PCSK6: variants seen among roughly 807,000 people sequenced by gnomAD.
The protein encoded by PCSK6 is paired basic amino acid cleaving enzyme 4.
Under a neutral mutation model 123.3 loss-of-function variants are expected in PCSK6, and 85 were observed. That is an observed-to-expected ratio of 0.69 (90% CI 0.58 to 0.83). The LOEUF (loss-of-function observed/expected upper bound fraction) is 0.83. Among genes scored for constraint, PCSK6 ranks in the 40% least tolerant of loss-of-function variants. The pLI is 0.00. For synonymous variants in PCSK6, 508 were observed against 516.0 expected (o/e 0.98, Z 0.21); for missense variants, 1,191 against 1,282.3 (o/e 0.93, Z 1.09).
At chr15:101,471,099 G>A (rs2057593367) in intron 1 of PCSK6, among the ~76,000 whole-genome samples, 1 of 152,110 alleles carries the variant, frequency 6.6e-6, no homozygotes, top group African/African-American at 2.4e-5. Context: ...GCTTCTCCCT[G>A]GGGCTGAAAC....
intron 6 of PCSK6, among the ~76,000 whole-genome samples, chr15:101,413,573 T>A (rs922923331): frequency 2.0e-5 from 3 of 152,022 alleles, no homozygotes; most frequent in African/African-American, 4.8e-5. Flanking sequence ...ACCATCTAAA[T>A]ATAGTAACTA....
chr15:101,460,575 C>T (rs1314386781), intron 1 of PCSK6, among the ~76,000 whole-genome samples: 3 of 152,202 alleles, frequency 2.0e-5, no homozygotes, highest in Non-Finnish European at 2.9e-5. Flanking sequence ...TAGAACTCCA[C>T]GCCCAACAAC....
At chr15:101,434,504 C>T (rs748337549) in intron 2 of PCSK6, among the ~76,000 whole-genome samples, 2 of 152,244 alleles carry the variant, frequency 1.3e-5, no homozygotes, top group Non-Finnish European at 2.9e-5. Context: ...CTGGGCATCC[C>T]GGCCCTTGGT....
intron 14 of PCSK6, 41 bp from the exon 15 acceptor site, chr15:101,331,730 G>A (rs1400591460): frequency 6.5e-7 from 1 of 1,547,136 alleles, no homozygotes; most frequent in Non-Finnish European, 8.7e-7. Context: ...TGACTCCCAG[G>A]CAAGAGAGAC....
intron 1 of PCSK6, among the ~76,000 whole-genome samples, chr15:101,479,386 A>G (rs899459377): frequency 1.3e-5 from 2 of 152,258 alleles, no homozygotes; most frequent in African/African-American, 4.8e-5. Context: ...AGCACAGAGC[A>G]GTGGGGCTCT....
chr15:101,333,637 C>T (rs1394416223), intron 13 of PCSK6, among the ~76,000 whole-genome samples: 1 of 152,246 alleles, frequency 6.6e-6, no homozygotes, highest in Non-Finnish European at 1.5e-5. Flanking sequence ...TACATACCTG[C>T]CTATGCACTG....
In PCSK6 at chr15:101,312,725, G is replaced by A. The variant is rs180873070; in HGVS notation, c.2699+651C>T. ...CGGGTGCCTGTAGTCCCAGCTACTC[G>A]GCAGGTTGAGGCAGGAGAATGGTGT... is the stretch of plus-strand genomic sequence containing the variant. On this transcript the variant is annotated intron_variant, in intron 20 of 21. Coordinates refer to ENST00000611716, the MANE Select transcript of PCSK6 (RefSeq NM_002570.5). Among the ~76,000 whole-genome samples, 1,040 of 152,220 alleles carry A rather than the reference G, an allele frequency of 6.8e-3. 13 individuals are homozygous for A. The highest frequency in any genetic ancestry group is 0.023 in the African/African-American group (969 of 41,526).
intron 16 of PCSK6, among the ~76,000 whole-genome samples, chr15:101,325,879 G>A (rs2040241104): frequency 6.6e-6 from 1 of 152,208 alleles, no homozygotes; most frequent in Non-Finnish European, 1.5e-5. Context: ...CTCCCTTGGG[G>A]TAAACTCAGC....
At chr15:101,439,070 G>T (rs1356966218) in intron 2 of PCSK6, among the ~76,000 whole-genome samples, 1 of 152,228 alleles carries the variant, frequency 6.6e-6, no homozygotes, top group Non-Finnish European at 1.5e-5. Context: ...CCCACATGAG[G>T]CCAGCAAGGA....
chr15:101,362,477 G>A (rs538519277), intron 13 of PCSK6, among the ~76,000 whole-genome samples: 1 of 152,160 alleles, frequency 6.6e-6, no homozygotes, highest in Non-Finnish European at 1.5e-5. Flanking sequence ...TGGGAACAAA[G>A]AGCAGAGGAC....
intron 1 of PCSK6, among the ~76,000 whole-genome samples, chr15:101,453,726 A>T (rs914204489): frequency 6.6e-6 from 1 of 152,202 alleles, no homozygotes; most frequent in Non-Finnish European, 1.5e-5. Context: ...GACTTTCCCA[A>T]CTTGAGGAGG....
chr15:101,399,298 G>A (rs1354962444), intron 6 of PCSK6, among the ~76,000 whole-genome samples: 1 of 152,150 alleles, frequency 6.6e-6, no homozygotes, highest in Non-Finnish European at 1.5e-5. Flanking sequence ...ATTCCACTCC[G>A]ACGTATAACT....
At chr15:101,379,935 C>A (rs991407271) in intron 11 of PCSK6, among the ~76,000 whole-genome samples, 7 of 152,146 alleles carry the variant, frequency 4.6e-5, no homozygotes, top group Non-Finnish European at 7.4e-5. Flanking sequence ...GGTAACACCC[C>A]TCTCTCTGGA....
intron 1 of PCSK6, among the ~76,000 whole-genome samples, chr15:101,458,921 C>G (rs12719737): frequency 0.72 from 109,068 of 152,048 alleles, 40,035 homozygotes; most frequent in Non-Finnish European, 0.82. Flanking sequence ...TTCATTTAAC[C>G]ACCCCGACAT....
At chr15:101,474,144 G>A (rs905556311) in intron 1 of PCSK6, among the ~76,000 whole-genome samples, 4 of 152,194 alleles carry the variant, frequency 2.6e-5, no homozygotes, top group Non-Finnish European at 5.9e-5. Context: ...GCTTTATCAA[G>A]AGGAACACAA....
chr15:101,437,684 G>A (rs1024597157), intron 2 of PCSK6, among the ~76,000 whole-genome samples: 2 of 152,210 alleles, frequency 1.3e-5, no homozygotes, highest in Non-Finnish European at 2.9e-5. Context: ...GACAGTGCGT[G>A]TGAAAGCTCT....
chr15:101,331,789 A>G, intron 14 of PCSK6, 63 bp downstream of exon 14: 2 of 1,600,816 alleles, frequency 1.2e-6, no homozygotes, highest in Non-Finnish European at 1.7e-6. Context: ...ACATTTTAAG[A>G]GCTACTCTGG....
At chr15:101,346,214 C>T (rs779294255) in intron 13 of PCSK6, among the ~76,000 whole-genome samples, 2 of 152,130 alleles carry the variant, frequency 1.3e-5, no homozygotes, top group Non-Finnish European at 2.9e-5. Flanking sequence ...GGTGAATAAT[C>T]CCAAAGAAAT....
chr15:101,307,187 C>T lies in PCSK6; in HGVS notation c.2812+26G>A, dbSNP rs1006917772. 8 of 1,555,808 alleles carry T rather than the reference C, an allele frequency of 5.1e-6. No homozygotes were observed. The African/African-American group carries it at 1.1e-4, about 21-fold the overall frequency. ...CCAGCTGAGCTCCTCCACAGGCAGCCCCAGGGTAACCCAGCTGCTGCTCAC... is the reference window on the plus strand; with the variant it reads ...CCAGCTGAGCTCCTCCACAGGCAGCTCCAGGGTAACCCAGCTGCTGCTCAC... On this transcript the variant is annotated intron_variant, in intron 21 of 21. Transcript: ENST00000611716.
Sources: gnomAD v4.1 joint callset for allele counts (sites outside exome capture counted in the v4.1 genomes callset) on GRCh38, gnomAD v4.1.1 for gene constraint, MANE v1.5 for transcripts, NCBI Gene and HGNC (gene_info 2026-07-23, HGNC 2026-07-21) for gene names.